DCC: variants seen among roughly 807,000 people sequenced by gnomAD.
DCC encodes netrin receptor DCC.
In DCC, 58 loss-of-function variants were observed where a neutral mutation model predicts 172.5. The ratio of observed to expected loss-of-function variants is 0.34; its 90% CI spans 0.27 to 0.42. The LOEUF (loss-of-function observed/expected upper bound fraction) is 0.42. DCC is among the 10% of genes least tolerant of loss of function. The pLI is 1.00. For missense variants in DCC, 1,740 were observed against 1,791.0 expected (o/e 0.97, Z 0.51); for synonymous variants, 709 against 644.5 (o/e 1.10, Z -1.52).
intron 1 of DCC, among the ~76,000 whole-genome samples, chr18:52,610,382 CAAAAAAAAAAAAAAAAAAAA>C (rs55715009): frequency 2.0e-5 from 1 of 49,964 alleles, no homozygotes; most frequent in Non-Finnish European, 3.0e-5. Context: ...TCTGTCTCAA[CAAAAAAAAAAAAAAAAAAAA>C]AAAAAGAAAA....
intron 1 of DCC, among the ~76,000 whole-genome samples, chr18:52,439,111 T>C (rs1216028635): frequency 2.0e-5 from 3 of 151,888 alleles, no homozygotes; most frequent in Non-Finnish European, 4.4e-5. Flanking sequence ...GTTTGGTTTA[T>C]GAAAGTGCAG....
At chr18:53,494,510 A>G (rs1037458998) in intron 26 of DCC, among the ~76,000 whole-genome samples, 4 of 152,250 alleles carry the variant, frequency 2.6e-5, no homozygotes, top group African/African-American at 7.2e-5. Flanking sequence ...TTGGGTGCAT[A>G]TACATTTAGG....
intron 1 of DCC, among the ~76,000 whole-genome samples, chr18:52,545,551 T>C (rs982166106): frequency 3.9e-5 from 6 of 152,202 alleles, no homozygotes; most frequent in Non-Finnish European, 7.3e-5. Flanking sequence ...GGGGGATTGG[T>C]CCATTGGACA....
At chr18:52,649,915 T>C (rs1411909956) in intron 1 of DCC, among the ~76,000 whole-genome samples, 1 of 152,102 alleles carries the variant, frequency 6.6e-6, no homozygotes, top group Admixed American at 6.5e-5. Flanking sequence ...TATATAATTC[T>C]TTCTTTTCCT....
chr18:52,497,285 A>G (rs1288002376), intron 1 of DCC, among the ~76,000 whole-genome samples: 16 of 28,260 alleles, frequency 5.7e-4, no homozygotes, highest in South Asian at 1.4e-3. Context: ...AAAAAAATAT[A>G]TATATATATA....
intron 12 of DCC, among the ~76,000 whole-genome samples, chr18:53,267,931 T>A (rs1490632276): frequency 6.6e-6 from 1 of 152,178 alleles, no homozygotes; most frequent in African/African-American, 2.4e-5. Flanking sequence ...AGGAGATCCT[T>A]TTGTATTATA....
chr18:52,723,295 C>T lies in DCC; in HGVS notation c.92-28759C>T, dbSNP rs187762725. Among the ~76,000 whole-genome samples the T allele has an allele frequency of 5.9e-4, 90 of 152,242 alleles. 1 individual carries two copies. The highest frequency in any genetic ancestry group is 2.1e-3 in the African/African-American group (89 of 41,520). ...ATAATAAAAATATTCCAAAATGCAGCCGTAATAAATTAGACACAGAATTCA... is the reference window on the plus strand; with the variant it reads ...ATAATAAAAATATTCCAAAATGCAGTCGTAATAAATTAGACACAGAATTCA... On this transcript the variant is annotated intron_variant, in intron 1 of 28. Coordinates refer to ENST00000442544, the MANE Select transcript of DCC (RefSeq NM_005215.4).
chr18:53,375,357 C>A (rs893837395), intron 15 of DCC, among the ~76,000 whole-genome samples: 1 of 151,964 alleles, frequency 6.6e-6, no homozygotes, highest in Non-Finnish European at 1.5e-5. Context: ...GAGAAGGCTA[C>A]CAGAAAGTAA....
At chr18:52,466,023 C>T (rs1193378190) in intron 1 of DCC, among the ~76,000 whole-genome samples, 1 of 152,118 alleles carries the variant, frequency 6.6e-6, no homozygotes, top group Admixed American at 6.5e-5. Context: ...TAGTTCAATG[C>T]TGGTTGATAA....
At chr18:53,418,879 GT>G (rs1910469936) in intron 21 of DCC, among the ~76,000 whole-genome samples, 1 of 152,172 alleles carries the variant, frequency 6.6e-6, no homozygotes. Context: ...ATTTCTTTAT[GT>G]AATTGTAAAT....
At chr18:53,516,211 A>C (rs796929074) in intron 27 of DCC, among the ~76,000 whole-genome samples, 2 of 151,214 alleles carry the variant, frequency 1.3e-5, no homozygotes, top group South Asian at 4.2e-4. Context: ...AGGATTCCCT[A>C]TTTAATAAAT....
chr18:53,047,234 G>A (rs2042250149), intron 5 of DCC, among the ~76,000 whole-genome samples: 1 of 22,154 alleles, frequency 4.5e-5, no homozygotes, highest in Admixed American at 5.0e-4. Context: ...CCTGCAGGTA[G>A]GATATATATA....
chr18:52,983,856 GAT>G (rs1427166928), intron 5 of DCC, among the ~76,000 whole-genome samples: 4 of 152,110 alleles, frequency 2.6e-5, no homozygotes, highest in Non-Finnish European at 5.9e-5. Flanking sequence ...GAATAAATAA[GAT>G]ATGTATCAGC....
intron 8 of DCC, among the ~76,000 whole-genome samples, chr18:53,169,695 T>C (rs1239154133): frequency 6.6e-6 from 1 of 152,126 alleles, no homozygotes. Context: ...GGGAGGAGGC[T>C]TGGGGTCCCT....
chr18:52,782,964 C>G (rs1367846), intron 2 of DCC, among the ~76,000 whole-genome samples: 86,785 of 151,866 alleles, frequency 0.57, 28,158 homozygotes, highest in East Asian at 0.87. Flanking sequence ...TGTTGAAAGG[C>G]CTAAATGTCT....
rs559315922 is a variant in DCC, at chr18:52,944,467, G to A, written c.985+19097G>A. ...GAGCCTAAAGGCACAATATTTGTCC[G>A]AAGAAGCCAGAGAAGTCCCAGTTTT... On this transcript the variant is annotated intron_variant, in intron 5 of 28. Coordinates refer to ENST00000442544, the MANE Select transcript of DCC (RefSeq NM_005215.4). Among the ~76,000 whole-genome samples the A allele has an allele frequency of 3.3e-5, 5 of 152,236 alleles. No individual in the cohort carries two copies. The South Asian group carries it at 6.2e-4, about 19-fold the overall frequency.
intron 9 of DCC, among the ~76,000 whole-genome samples, chr18:53,180,230 G>A (rs980801988): frequency 1.3e-5 from 2 of 152,042 alleles, no homozygotes; most frequent in Non-Finnish European, 2.9e-5. Flanking sequence ...ATTTGGCCAG[G>A]GCTACAGAGA....
chr18:53,351,096 G>C (rs1453221554), intron 15 of DCC, among the ~76,000 whole-genome samples: 1 of 149,996 alleles, frequency 6.7e-6, no homozygotes, highest in African/African-American at 2.4e-5. Context: ...ATAGCCACAG[G>C]GTGATTCATT....
chr18:52,740,891 AT>A (rs903928874), intron 1 of DCC, among the ~76,000 whole-genome samples: 37 of 152,214 alleles, frequency 2.4e-4, no homozygotes, highest in South Asian at 1.2e-3. Context: ...TTTGAGGGTA[AT>A]TTTTTTCTGT....
Sources: allele counts gnomAD v4.1 joint callset (sites outside exome capture counted in the v4.1 genomes callset), GRCh38; gene constraint gnomAD v4.1.1; transcripts MANE v1.5; gene names NCBI Gene and HGNC (gene_info 2026-07-23, HGNC 2026-07-21).